ULK4: variants seen among roughly 807,000 people sequenced by gnomAD.
ULK4 encodes unc-51 like kinase 4.
In ULK4, 133 loss-of-function variants were observed where a neutral mutation model predicts 160.6. That is an observed-to-expected ratio of 0.83 (90% CI 0.72 to 0.96). The LOEUF is 0.96. ULK4 is among the 40% of genes least tolerant of loss of function. The probability of loss-of-function intolerance (pLI) is 0.00; values close to 1 mark genes in which losing one functional copy is unlikely to be tolerated. For synonymous variants in ULK4, 534 were observed against 539.8 expected (o/e 0.99, Z 0.15); for missense variants, 1,580 against 1,499.5 (o/e 1.05, Z -0.89).
intron 34 of ULK4, among the ~76,000 whole-genome samples, chr3:41,427,753 T>C (rs2082809957): frequency 6.6e-6 from 1 of 152,152 alleles, no homozygotes. Flanking sequence ...ATAAATTAGA[T>C]ATTGCTGGAA....
chr3:41,801,833 A>G (rs912740224), intron 19 of ULK4, among the ~76,000 whole-genome samples: 1 of 152,096 alleles, frequency 6.6e-6, no homozygotes, highest in African/African-American at 2.4e-5. Context: ...CCTGAGCAAC[A>G]AAGCAAGACC....
intron 35 of ULK4, among the ~76,000 whole-genome samples, chr3:41,296,452 A>G (rs2079670100): frequency 6.6e-6 from 1 of 152,162 alleles, no homozygotes. Context: ...CCACAGGCCC[A>G]CCAGAACTGA....
chr3:41,936,568 A>G (rs1167030866), intron 3 of ULK4, among the ~76,000 whole-genome samples: 2 of 152,190 alleles, frequency 1.3e-5, no homozygotes, highest in Non-Finnish European at 2.9e-5. Context: ...CATATACACA[A>G]TGGAGTACTA....
chr3:41,629,202 A>G (rs1181738891), intron 30 of ULK4, among the ~76,000 whole-genome samples: 3 of 152,172 alleles, frequency 2.0e-5, no homozygotes, highest in Non-Finnish European at 4.4e-5. Context: ...TCTTTGTTTC[A>G]TGACGTTTGC....
chr3:41,819,378 T>A (rs2125629580), intron 19 of ULK4, 45 bp downstream of exon 19: 1 of 1,572,548 alleles, frequency 6.4e-7, no homozygotes, highest in East Asian at 2.2e-5. Context: ...CCTGAAGGGT[T>A]ATTACAATTG....
At chr3:41,930,303 T>C (rs1699548473) in intron 5 of ULK4, among the ~76,000 whole-genome samples, 1 of 152,090 alleles carries the variant, frequency 6.6e-6, no homozygotes, top group South Asian at 2.1e-4. Flanking sequence ...AAAATGAAAC[T>C]GGACCCCTTC....
At chr3:41,416,703 G>C (rs2082535342) in intron 34 of ULK4, among the ~76,000 whole-genome samples, 1 of 152,158 alleles carries the variant, frequency 6.6e-6, no homozygotes, top group Admixed American at 6.5e-5. Context: ...AGGCAGTAGG[G>C]ATGCCTGTGG....
At chr3:41,759,632 T>C (rs1389597617) in intron 21 of ULK4, among the ~76,000 whole-genome samples, 1 of 152,168 alleles carries the variant, frequency 6.6e-6, no homozygotes, top group Non-Finnish European at 1.5e-5. Flanking sequence ...AAACTAAGTT[T>C]AAAATTTCTA....
intron 17 of ULK4, among the ~76,000 whole-genome samples, chr3:41,873,820 C>G (rs1697202791): frequency 6.6e-6 from 1 of 151,616 alleles, no homozygotes. Flanking sequence ...CCCAAAAGTG[C>G]TGGGATTACA....
chr3:41,529,069 C>T (rs950958354), intron 32 of ULK4, among the ~76,000 whole-genome samples: 7 of 152,160 alleles, frequency 4.6e-5, no homozygotes, highest in African/African-American at 1.7e-4. Context: ...GTTCCCAAAG[C>T]GCATCTTGAG....
At chr3:41,944,263 T>A (rs1700047091) in intron 2 of ULK4, among the ~76,000 whole-genome samples, 1 of 152,162 alleles carries the variant, frequency 6.6e-6, no homozygotes, top group Non-Finnish European at 1.5e-5. Flanking sequence ...CATGGTAGAA[T>A]CAGTTTGCAA....
At chr3:41,366,968 C>T (rs1158620977) in intron 35 of ULK4, among the ~76,000 whole-genome samples, 4 of 152,216 alleles carry the variant, frequency 2.6e-5, no homozygotes, top group African/African-American at 9.6e-5. Context: ...CACTTGACTT[C>T]TGTCAGTGTA....
At chr3:41,936,729 T>C (rs1028247680) in intron 3 of ULK4, among the ~76,000 whole-genome samples, 2 of 151,906 alleles carry the variant, frequency 1.3e-5, no homozygotes, top group Admixed American at 6.6e-5. Context: ...ATTGGAATCA[T>C]GGAGATAGAG....
At chr3:41,671,116 T>C (rs1471151916) in intron 29 of ULK4, among the ~76,000 whole-genome samples, 1 of 152,182 alleles carries the variant, frequency 6.6e-6, no homozygotes, top group Non-Finnish European at 1.5e-5. Flanking sequence ...TATCCCATGC[T>C]CACAGATCAG....
At chr3:41,799,805 G>A (rs774320282) in intron 20 of ULK4, among the ~76,000 whole-genome samples, 26 of 152,154 alleles carry the variant, frequency 1.7e-4, no homozygotes, top group Non-Finnish European at 3.4e-4. Context: ...AAAGATTGCA[G>A]TAAGCCAAGA....
At chr3:41,412,578 T>TG (rs1688816928) in intron 34 of ULK4, among the ~76,000 whole-genome samples, 3 of 113,892 alleles carry the variant, frequency 2.6e-5, no homozygotes, top group African/African-American at 1.1e-4. Context: ...TTTTTTTTTT[T>TG]GAGACAGAGT....
At chr3:41,361,957 T>C (rs1392299861) in intron 35 of ULK4, among the ~76,000 whole-genome samples, 2 of 152,220 alleles carry the variant, frequency 1.3e-5, no homozygotes, top group African/African-American at 2.4e-5. Context: ...TGGGTCACTG[T>C]ATTTTCAGAA....
Position 41,646,624 on chromosome 3 carries a change from C to T in ULK4, c.3071+16983G>A, listed in dbSNP as rs568870659. On this transcript the variant is annotated intron_variant, in intron 30 of 36. Coordinates refer to ENST00000301831, the MANE Select transcript of ULK4 (RefSeq NM_017886.4). ...GACCTTTCTCTATGGCTGCCCTTAA[C>T]ATTTTTTCCTTCATTTCAACTATGG... Among the ~76,000 whole-genome samples the T allele has an allele frequency of 1.2e-3, 178 of 152,322 alleles. 3 individuals carry two copies. In the East Asian group the frequency reaches 0.034, roughly 29 times the overall value.
chr3:41,608,014 G>A (rs2125672734), intron 31 of ULK4, among the ~76,000 whole-genome samples: 1 of 152,290 alleles, frequency 6.6e-6, no homozygotes, highest in African/African-American at 2.4e-5. Context: ...ACATTTCTGT[G>A]TTGTTTAAAC....
Sources: allele counts gnomAD v4.1 joint callset (sites outside exome capture counted in the v4.1 genomes callset), GRCh38; gene constraint gnomAD v4.1.1; transcripts MANE v1.5; gene names NCBI Gene and HGNC (gene_info 2026-07-23, HGNC 2026-07-21).